ARRB1: variants seen among roughly 807,000 people sequenced by gnomAD.
ARRB1 encodes the protein arrestin beta 1, also known as beta-arrestin-1.
ARRB1 carries 21 observed loss-of-function variants against 56.8 expected under a neutral mutation model. The observed-to-expected ratio is 0.37, with a 90% CI of 0.26 to 0.53. The LOEUF is 0.53. Ranked by LOEUF, ARRB1 falls within the 20% of genes least tolerant of loss-of-function variation. The pLI is 0.88. For synonymous variants in ARRB1, 210 were observed against 218.6 expected, an observed-to-expected ratio of 0.96 and a Z score of 0.35; for missense variants, 424 against 553.7, an observed-to-expected ratio of 0.77 and a Z score of 2.35.
At chr11:75,348,267 G>A (rs1233453716) in intron 1 of ARRB1, among the ~76,000 whole-genome samples, 1 of 152,000 alleles carries the variant, frequency 6.6e-6, no homozygotes, top group African/African-American at 2.4e-5. Flanking sequence ...TCCCAATCCC[G>A]CCCCCTTGGC....
intron 13 of ARRB1, among the ~76,000 whole-genome samples, chr11:75,270,485 G>A (rs184252792): frequency 2.6e-5 from 4 of 152,276 alleles, no homozygotes; most frequent in African/African-American, 4.8e-5. Context: ...AAAATTAGCC[G>A]GGTGTGGTGG....
At position 75,272,885 on chromosome 11, in the gene ARRB1, G is replaced by C; in HGVS notation, c.998+10C>G. ...CACTCCGGGGTCTTGGGCTTGGCTGGAGCACTCACCCGCCCCGAGACACCA... is the reference window on the plus strand; with the variant it reads ...CACTCCGGGGTCTTGGGCTTGGCTGCAGCACTCACCCGCCCCGAGACACCA... On this transcript the variant is annotated intron_variant, in intron 12 of 15. Transcript: ENST00000420843. 1 of 1,613,872 alleles carries C rather than the reference G, an allele frequency of 6.2e-7. No homozygotes were observed.
intron 15 of ARRB1, 33 bp downstream of exon 15, chr11:75,267,619 C>T: frequency 1.9e-6 from 3 of 1,582,900 alleles, no homozygotes; most frequent in Non-Finnish European, 1.7e-6. Context: ...CCGCGGCCCA[C>T]CCCCGGATGT....
intron 1 of ARRB1, among the ~76,000 whole-genome samples, chr11:75,334,200 T>C (rs1000124370): frequency 6.6e-6 from 1 of 151,298 alleles, no homozygotes; most frequent in African/African-American, 2.4e-5. Context: ...CGTGGTGGCA[T>C]GTGCCTATTA....
At chr11:75,315,120 T>C (rs964154821) in intron 1 of ARRB1, among the ~76,000 whole-genome samples, 1 of 152,160 alleles carries the variant, frequency 6.6e-6, no homozygotes, top group African/African-American at 2.4e-5. Flanking sequence ...ATTTTAACAA[T>C]TTCATGTTGC....
intron 5 of ARRB1, 128 bp from the exon 6 acceptor site, chr11:75,282,149 A>G (rs1388029280): frequency 1.1e-6 from 1 of 885,144 alleles, no homozygotes; most frequent in African/African-American, 1.7e-5. Flanking sequence ...TGTCTATCCC[A>G]TCAGACCATG....
intron 1 of ARRB1, among the ~76,000 whole-genome samples, chr11:75,332,924 G>T (rs1318679222): frequency 6.6e-6 from 1 of 151,892 alleles, no homozygotes; most frequent in Non-Finnish European, 1.5e-5. Context: ...TAGCCTGGAA[G>T]CTCCCCCCAA....
chr11:75,281,155 G>A lies in ARRB1; in HGVS notation c.415-13C>T. On this transcript the variant is annotated splice_polypyrimidine_tract_variant and intron_variant, in intron 6 of 15. Coordinates refer to ENST00000420843, the MANE Select transcript of ARRB1 (RefSeq NM_004041.5). Reference sequence around the variant, plus strand: ...CCACACCGCAAGCCTGTGGGGAAGGGGTCACTGACCACAGGGCCTTGGAGA... The same window carrying A: ...CCACACCGCAAGCCTGTGGGGAAGGAGTCACTGACCACAGGGCCTTGGAGA... The A allele has an allele frequency of 6.3e-7, 1 of 1,589,314 alleles. No individual in the cohort carries two copies. Among genetic ancestry groups the A allele is most frequent in the Non-Finnish European group, 8.6e-7 (1 of 1,166,834 alleles).
intron 1 of ARRB1, among the ~76,000 whole-genome samples, chr11:75,343,632 G>A (rs1947722127): frequency 6.6e-6 from 1 of 152,158 alleles, no homozygotes; most frequent in Non-Finnish European, 1.5e-5. Flanking sequence ...AAGCCACCCA[G>A]CTGGTAAGTG....
chr11:75,306,836 G>C (rs2140474379), intron 1 of ARRB1: 1 of 395,736 alleles, frequency 2.5e-6, no homozygotes, highest in East Asian at 7.3e-5. Flanking sequence ...GCAGCACTCT[G>C]CCTGTACACA....
chr11:75,349,429 G>A (rs1199938267), intron 1 of ARRB1, among the ~76,000 whole-genome samples: 1 of 152,260 alleles, frequency 6.6e-6, no homozygotes, highest in Non-Finnish European at 1.5e-5. Flanking sequence ...GGGAGCCATG[G>A]AAAATACCTT....
At chr11:75,271,818 C>T in intron 12 of ARRB1, 94 bp from the exon 13 acceptor site, 2 of 1,392,230 alleles carry the variant, frequency 1.4e-6, no homozygotes, top group Admixed American at 4.3e-5. Context: ...TCTGCTGTCC[C>T]CCGGATAGAG....
chr11:75,272,087 G>T (rs1946085784), intron 12 of ARRB1, among the ~76,000 whole-genome samples: 2 of 152,194 alleles, frequency 1.3e-5, no homozygotes, highest in African/African-American at 4.8e-5. Flanking sequence ...GGGACTGTGG[G>T]TCCTGAAAGG....
chr11:75,297,864 CAAAA>C lies in ARRB1; in HGVS notation c.21-7829_21-7826del, dbSNP rs34831668. On this transcript the variant is annotated intron_variant, in intron 1 of 15. Transcript: ENST00000420843. ...TGGGTAAGAGAGCAAGACTTTGTCTCAAAAAAAAAAAAAAAAAAAAAAAAAAAAT... is the reference window on the plus strand; with the variant it reads ...TGGGTAAGAGAGCAAGACTTTGTCTCAAAAAAAAAAAAAAAAAAAAAAAAT... Among the ~76,000 whole-genome samples, 57 of 29,266 alleles carry C rather than the reference CAAAA, an allele frequency of 1.9e-3. No individual in the cohort carries two copies. In the South Asian group the frequency reaches 0.02, roughly 10 times the overall value. The allele number at this position is 29,266 out of a possible 152,430, so 19.2% of individuals were successfully genotyped here.
Position 75,284,286 on chromosome 11 carries a change from A to G in ARRB1, c.113-7T>C, listed in dbSNP as rs1565115362. ...TCCACCAGGACCACACCATCTGGGG[A>G]AAGGACAGAGAGTAAGCGGCCTCTC... On this transcript the variant is annotated splice_polypyrimidine_tract_variant and splice_region_variant and intron_variant, in intron 3 of 15. Coordinates refer to ENST00000420843, the MANE Select transcript of ARRB1 (RefSeq NM_004041.5). 1.2e-6 allele frequency: 2 copies of G among 1,607,004 alleles called. No individual in the cohort carries two copies. The highest frequency in any genetic ancestry group is 1.7e-6 in the Non-Finnish European group (2 of 1,175,200).
chr11:75,295,537 T>C lies in ARRB1; in HGVS notation c.21-5498A>G, dbSNP rs963677135. On this transcript the variant is annotated intron_variant, in intron 1 of 15. Transcript: ENST00000420843. Reference sequence around the variant, plus strand: ...ATTTATAAAGACCCCTGGGACTATGTTGAACCCATCTGGATAATCCAGAAC... The same window carrying C: ...ATTTATAAAGACCCCTGGGACTATGCTGAACCCATCTGGATAATCCAGAAC... Among the ~76,000 whole-genome samples, 6 of 152,320 alleles carry C rather than the reference T, an allele frequency of 3.9e-5. No homozygotes were observed. In the East Asian group the frequency reaches 9.6e-4, roughly 24 times the overall value.
intron 1 of ARRB1, among the ~76,000 whole-genome samples, chr11:75,295,931 T>A (rs181656863): frequency 6.6e-6 from 1 of 152,274 alleles, no homozygotes; most frequent in Non-Finnish European, 1.5e-5. Context: ...ATGCCTGTAA[T>A]CCCAACACTT....
rs376904122 is a variant in ARRB1, at chr11:75,314,293, C to T, written c.21-24254G>A. Among the ~76,000 whole-genome samples the T allele has an allele frequency of 4.9e-4, 74 of 152,362 alleles. 1 individual carries two copies. In the East Asian group the frequency reaches 6.6e-3, roughly 14 times the overall value. ...CCTGGGAGGCTGGAGTCAAGAGGGC[C>T]CAAGTCAGCCAGTCATCTTCTTAGT... is the stretch of plus-strand genomic sequence containing the variant. On this transcript the variant is annotated intron_variant, in intron 1 of 15. Coordinates refer to ENST00000420843, the MANE Select transcript of ARRB1 (RefSeq NM_004041.5).
intron 1 of ARRB1, among the ~76,000 whole-genome samples, chr11:75,320,958 T>C (rs1390450040): frequency 6.6e-6 from 1 of 151,500 alleles, no homozygotes; most frequent in Non-Finnish European, 1.5e-5. Context: ...AGCTGAGCAA[T>C]AGGGAGACAT....
Sources: allele counts gnomAD v4.1 joint callset (sites outside exome capture counted in the v4.1 genomes callset), GRCh38; gene constraint gnomAD v4.1.1; transcripts MANE v1.5; gene names NCBI Gene and HGNC (gene_info 2026-07-23, HGNC 2026-07-21).